The following TNFRSF8 variants were observed in gnomAD, a reference collection of about 807,000 sequenced individuals.
TNFRSF8 encodes the protein TNF receptor superfamily member 8, also known as tumor necrosis factor receptor superfamily member 8.
TNFRSF8 carries 26 observed loss-of-function variants against 70.8 expected under a neutral mutation model. The observed-to-expected ratio is 0.37, with a 90% CI of 0.27 to 0.51. The LOEUF (loss-of-function observed/expected upper bound fraction) is 0.51. TNFRSF8 is among the 20% of genes least tolerant of loss of function. TNFRSF8 has a pLI of 0.94. For missense variants in TNFRSF8, 720 were observed against 807.9 expected, an observed-to-expected ratio of 0.89 and a Z score of 1.32; for synonymous variants, 356 against 339.2, an observed-to-expected ratio of 1.05 and a Z score of -0.54.
intron 7 of TNFRSF8, 109 bp from the exon 8 acceptor site, chr1:12,115,468 T>C: frequency 8.3e-7 from 1 of 1,210,572 alleles, no homozygotes; most frequent in Non-Finnish European, 1.2e-6. Flanking sequence ...ATTTATTTTC[T>C]TGTTGGATGA....
chr1:12,131,078 A>G (rs1642039340), intron 12 of TNFRSF8, among the ~76,000 whole-genome samples: 1 of 152,204 alleles, frequency 6.6e-6, no homozygotes, highest in African/African-American at 2.4e-5. Flanking sequence ...GTTACTTACC[A>G]TCCTGGGCTT....
chr1:12,101,981 A>G (rs1641431955), intron 3 of TNFRSF8, among the ~76,000 whole-genome samples: 1 of 152,092 alleles, frequency 6.6e-6, no homozygotes, highest in Non-Finnish European at 1.5e-5. Flanking sequence ...GGCTTCCATT[A>G]TGATCTTGTG....
intron 14 of TNFRSF8, among the ~76,000 whole-genome samples, chr1:12,140,510 A>G (rs1642232491): frequency 6.6e-6 from 1 of 152,024 alleles, no homozygotes. Context: ...CAGGAAATCC[A>G]TGCAGCCCTT....
intron 2 of TNFRSF8, among the ~76,000 whole-genome samples, chr1:12,094,896 G>T (rs1641306574): frequency 6.6e-6 from 1 of 152,092 alleles, no homozygotes; most frequent in South Asian, 2.1e-4. Flanking sequence ...AAAGTGCTGG[G>T]ATTACAGGTT....
At chr1:12,097,503 C>A (rs1641351287) in intron 3 of TNFRSF8, among the ~76,000 whole-genome samples, 1 of 152,104 alleles carries the variant, frequency 6.6e-6, no homozygotes, top group Admixed American at 6.6e-5. Context: ...TCTTGCTTAT[C>A]CTTACTTTAC....
Position 12,104,464 on chromosome 1 carries a change from C to A in TNFRSF8, c.354C>A (p.Ala118=). ...CCGGCATGTTCTGTTCCACGTCTGCCGTCAACTCCTGTGCCCGCTGCTTCT... is the reference window on the plus strand; with the variant it reads ...CCGGCATGTTCTGTTCCACGTCTGCAGTCAACTCCTGTGCCCGCTGCTTCT... The part of the protein sequence containing the change: ...CRPGMFCSTS[A]VNSCARCFFH... Residue 118 remains alanine (A), a synonymous_variant, in exon 4 of 15, where the codon GCC becomes GCA. Coordinates refer to ENST00000263932, the MANE Select transcript of TNFRSF8 (RefSeq NM_001243.5). The A allele has an allele frequency of 1.9e-6, 3 of 1,614,142 alleles. No individual in the cohort carries two copies. The highest frequency in any genetic ancestry group is 2.5e-6 in the Non-Finnish European group (3 of 1,180,030).
intron 12 of TNFRSF8, among the ~76,000 whole-genome samples, chr1:12,128,722 C>T (rs1382395998): frequency 2.0e-5 from 3 of 152,096 alleles, no homozygotes; most frequent in Admixed American, 6.6e-5. Flanking sequence ...GTTGTACAGC[C>T]CCTCTAGATG....
At chr1:12,083,961 G>T (rs11569817) in intron 1 of TNFRSF8, among the ~76,000 whole-genome samples, 2 of 152,180 alleles carry the variant, frequency 1.3e-5, no homozygotes, top group Admixed American at 6.5e-5. Flanking sequence ...GAGGAGCTGG[G>T]GCTGGCAAGG....
intron 9 of TNFRSF8, 98 bp downstream of exon 9, chr1:12,123,475 G>A: frequency 2.5e-6 from 3 of 1,218,906 alleles, no homozygotes; most frequent in South Asian, 1.4e-5. Flanking sequence ...GCTGGGGGTG[G>A]AGGTGGGGCC....
intron 1 of TNFRSF8, among the ~76,000 whole-genome samples, chr1:12,076,934 G>A (rs1035912677): frequency 6.6e-6 from 1 of 152,002 alleles, no homozygotes; most frequent in Non-Finnish European, 1.5e-5. Flanking sequence ...CCCCTAAAAC[G>A]TCCATACATT....
In TNFRSF8 at chr1:12,143,575, G is replaced by C. The variant is rs182266372; in HGVS notation, c.*1044G>C. ...GGGTGTGGATGTCGAGAGGCACCACGGCCTCACCCAGGCATCTGCTTTACT... is the reference window on the plus strand; with the variant it reads ...GGGTGTGGATGTCGAGAGGCACCACCGCCTCACCCAGGCATCTGCTTTACT... On this transcript the variant is annotated 3_prime_UTR_variant, in exon 15 of 15. Coordinates refer to ENST00000263932, the MANE Select transcript of TNFRSF8 (RefSeq NM_001243.5). This position sits in a 1 kb window ranked among gnomAD's most constrained non-coding sequence, Gnocchi z 4.1. The C allele has an allele frequency of 6.6e-6, 1 of 152,230 alleles. No homozygotes were observed. The highest frequency in any genetic ancestry group is 1.5e-5 in the Non-Finnish European group (1 of 68,128). The allele number at this position is 152,230 out of a possible 1,614,324, so 9.4% of individuals were successfully genotyped here. A position where few individuals can be genotyped will look rare whatever the true frequency, so the allele number is the denominator to read the frequency against.
At position 12,110,898 on chromosome 1, in the gene TNFRSF8, A is replaced by G. The variant is rs1223212213; in HGVS notation, c.676+694A>G. Among the ~76,000 whole-genome samples the G allele has an allele frequency of 6.6e-6, 1 of 151,960 alleles. No homozygotes were observed. The highest frequency in any genetic ancestry group is 1.5e-5 in the Non-Finnish European group (1 of 67,968). ...TTACAGGCGTGAGCCACCGCGCCCAACCTAGTCCCATTTTATTACTGAATA... is the reference window on the plus strand; with the variant it reads ...TTACAGGCGTGAGCCACCGCGCCCAGCCTAGTCCCATTTTATTACTGAATA... On this transcript the variant is annotated intron_variant, in intron 6 of 14. Coordinates refer to ENST00000263932, the MANE Select transcript of TNFRSF8 (RefSeq NM_001243.5). The surrounding 1 kb of genome is among the most constrained non-coding windows in gnomAD (Gnocchi z 4.0).
At chr1:12,139,360 G>A (rs962361701) in intron 14 of TNFRSF8, among the ~76,000 whole-genome samples, 2 of 152,080 alleles carry the variant, frequency 1.3e-5, no homozygotes, top group Non-Finnish European at 2.9e-5. Context: ...GCTTCTCAAT[G>A]GGAGCTACCC....
At chr1:12,083,301 A>G (rs531869783) in intron 1 of TNFRSF8, among the ~76,000 whole-genome samples, 2 of 152,358 alleles carry the variant, frequency 1.3e-5, no homozygotes, top group South Asian at 2.1e-4. Context: ...ACTCCTAGGT[A>G]TATAGCCAAC....
chr1:12,081,657 CAAA>C (rs398102446), intron 1 of TNFRSF8, among the ~76,000 whole-genome samples: 1 of 145,662 alleles, frequency 6.9e-6, no homozygotes. Flanking sequence ...TTCAGACATG[CAAA>C]AAAAAAAAAG....
chr1:12,130,076 T>G (rs1195658740), intron 12 of TNFRSF8, among the ~76,000 whole-genome samples: 1 of 152,106 alleles, frequency 6.6e-6, no homozygotes, highest in Non-Finnish European at 1.5e-5. Flanking sequence ...CTGGCTCATT[T>G]TTTGTATTTT....
intron 1 of TNFRSF8, among the ~76,000 whole-genome samples, chr1:12,075,307 A>C (rs1640920731): frequency 6.6e-6 from 1 of 150,496 alleles, no homozygotes; most frequent in South Asian, 2.1e-4. Flanking sequence ...GCTGGTCTTG[A>C]ACTCCTGGGC....
chr1:12,070,765 G>GA (rs1026116245), intron 1 of TNFRSF8, among the ~76,000 whole-genome samples: 5 of 152,144 alleles, frequency 3.3e-5, no homozygotes, highest in African/African-American at 1.2e-4. Context: ...TGGGATGTGG[G>GA]AAAAAACAAG....
At chr1:12,135,177 T>A (rs11569932) in intron 12 of TNFRSF8, among the ~76,000 whole-genome samples, 2,483 of 151,030 alleles carry the variant, frequency 0.016, 64 homozygotes, top group African/African-American at 0.056. Flanking sequence ...TTAGCTGGGG[T>A]TGGTGGCACG....
Sources: allele counts gnomAD v4.1 joint callset (sites outside exome capture counted in the v4.1 genomes callset), GRCh38; gene constraint gnomAD v4.1.1; non-coding constraint Gnocchi (gnomAD v3.1); transcripts MANE v1.5; gene names NCBI Gene and HGNC (gene_info 2026-07-23, HGNC 2026-07-21).